DNAH8: variants seen among roughly 807,000 people sequenced by gnomAD.
The protein encoded by DNAH8 is dynein axonemal heavy chain 8.
In DNAH8, 382 loss-of-function variants were observed where a neutral mutation model predicts 562.1. The ratio of observed to expected loss-of-function variants is 0.68; its 90% CI spans 0.63 to 0.74. DNAH8 has a LOEUF of 0.74. Among genes scored for constraint, DNAH8 ranks in the 30% least tolerant of loss-of-function variants. The probability of loss-of-function intolerance (pLI) is 0.00; values close to 1 mark genes in which losing one functional copy is unlikely to be tolerated. For synonymous variants in DNAH8, 1,881 were observed against 1,919.4 expected (o/e 0.98, Z 0.52); for missense variants, 5,203 against 5,620.4 (o/e 0.93, Z 2.37).
intron 24 of DNAH8, among the ~76,000 whole-genome samples, chr6:38,808,445 T>C (rs1771493975): frequency 6.6e-6 from 1 of 152,210 alleles, no homozygotes; most frequent in Non-Finnish European, 1.5e-5. Flanking sequence ...TGAGATTAAA[T>C]ATACTTTCTT....
intron 87 of DNAH8, among the ~76,000 whole-genome samples, chr6:38,988,197 C>T (rs1283905068): frequency 1.3e-5 from 2 of 152,132 alleles, no homozygotes; most frequent in South Asian, 2.1e-4. Context: ...CTGCTAAAAG[C>T]GATTGCAGAA....
chr6:38,968,435 A>T (rs1020425648), intron 82 of DNAH8, among the ~76,000 whole-genome samples: 1 of 152,212 alleles, frequency 6.6e-6, no homozygotes, highest in Non-Finnish European at 1.5e-5. Context: ...TTACAACTCA[A>T]CAATAGTCAA....
At chr6:38,884,690 A>G (rs1440124267) in intron 56 of DNAH8, among the ~76,000 whole-genome samples, 1 of 152,188 alleles carries the variant, frequency 6.6e-6, no homozygotes, top group African/African-American at 2.4e-5. Context: ...CTGCAGGGTT[A>G]CATCCTTGCT....
chr6:38,937,914 G>A (rs1783097927), intron 77 of DNAH8, 60 bp from the exon 78 acceptor site: 7 of 1,520,516 alleles, frequency 4.6e-6, no homozygotes, highest in African/African-American at 2.8e-5. Context: ...CAGAAGAGAT[G>A]TATCTTGCTT....
At position 38,775,885 on chromosome 6, in the gene DNAH8, G is replaced by A. The variant is rs745671911; in HGVS notation, c.1896G>A (p.Leu632=). Residue 632 remains leucine, a synonymous_variant, in exon 13 of 93, where the codon CTG becomes CTA. Coordinates refer to ENST00000327475, the MANE Select transcript of DNAH8 (RefSeq NM_001206927.2). ...TTAAGAAAAAGCAATATGACATTCTGGATCCAAGAAGGACAGAATTTGACA... is the reference window on the plus strand; with the variant it reads ...TTAAGAAAAAGCAATATGACATTCTAGATCCAAGAAGGACAGAATTTGACA... The part of the protein sequence containing the change: ...QGVKKKQYDI[L]DPRRTEFDTD... The A allele has an allele frequency of 6.2e-7, 1 of 1,612,900 alleles. No homozygotes were observed. The highest frequency in any genetic ancestry group is 1.1e-5 in the South Asian group (1 of 91,010).
At chr6:38,863,321 T>A (rs562105413) in intron 44 of DNAH8, among the ~76,000 whole-genome samples, 1 of 100,450 alleles carries the variant, frequency 1.0e-5, no homozygotes. Flanking sequence ...TCCCAGCTAC[T>A]CAGGAGGCTG....
intron 1 of DNAH8, among the ~76,000 whole-genome samples, chr6:38,722,254 G>GA (rs1762811620): frequency 6.6e-6 from 1 of 152,150 alleles, no homozygotes; most frequent in East Asian, 1.9e-4. Flanking sequence ...ATGCTTTTAT[G>GA]GTAGATGAGA....
Position 38,951,533 on chromosome 6 carries a change from A to G in DNAH8, c.12451+13A>G, listed in dbSNP as rs10947765. The G allele has an allele frequency of 0.12, 191,803 of 1,602,042 alleles. 12,335 individuals carry two copies. Among genetic ancestry groups the G allele is most frequent in the Admixed American group, 0.25 (14,539 of 59,116 alleles). The stretch of plus-strand genomic sequence containing the variant: ...AAACTGAAACTGGGTAAGACTAGCA[A>G]TCTACAAAATGTAGCAACACTTCCA... On this transcript the variant is annotated intron_variant, in intron 82 of 92. Coordinates refer to ENST00000327475, the MANE Select transcript of DNAH8 (RefSeq NM_001206927.2).
intron 10 of DNAH8, among the ~76,000 whole-genome samples, chr6:38,757,325 A>G (rs1238687334): frequency 5.3e-5 from 8 of 152,108 alleles, no homozygotes; most frequent in Admixed American, 5.2e-4. Context: ...TCTTCTTTTG[A>G]GAAGTGTCTG....
At chr6:39,017,941 C>A (rs1301751238) in intron 91 of DNAH8, among the ~76,000 whole-genome samples, 1 of 152,254 alleles carries the variant, frequency 6.6e-6, no homozygotes. Context: ...ACTAATGGAC[C>A]TTTAAGATTG....
At chr6:38,929,764 T>G (rs956384522) in intron 75 of DNAH8, 98 bp downstream of exon 75, 39 of 1,125,202 alleles carry the variant, frequency 3.5e-5, no homozygotes, top group Non-Finnish European at 4.6e-5. Context: ...AGAACAATGG[T>G]GACATCTACT....
At chr6:38,824,554 T>G (rs1299963168) in intron 28 of DNAH8, among the ~76,000 whole-genome samples, 1 of 152,172 alleles carries the variant, frequency 6.6e-6, no homozygotes, top group African/African-American at 2.4e-5. Context: ...TGTGGAAAGA[T>G]TTTATTCTCA....
intron 52 of DNAH8, 87 bp from the exon 53 acceptor site, chr6:38,875,502 TCC>T: frequency 1.4e-5 from 11 of 800,376 alleles, no homozygotes; most frequent in Non-Finnish European, 2.1e-5. Flanking sequence ...TCTTCTCTCT[TCC>T]TTCCTCCTTT....
chr6:38,936,976 CA>C (rs1467804210), intron 77 of DNAH8, among the ~76,000 whole-genome samples: 3 of 151,990 alleles, frequency 2.0e-5, no homozygotes, highest in African/African-American at 7.3e-5. Flanking sequence ...AATTAAAAAC[CA>C]AATTCATTGT....
rs758871091 is a variant in DNAH8, at chr6:38,923,040, C to T, written c.10663-18C>T. ...ACTTAGAAAAGTTTTTTGAGACATTCTCCCATTATGGCTGCAGGATTTGCT... is the reference window on the plus strand; with the variant it reads ...ACTTAGAAAAGTTTTTTGAGACATTTTCCCATTATGGCTGCAGGATTTGCT... On this transcript the variant is annotated intron_variant, in intron 71 of 92. Coordinates refer to ENST00000327475, the MANE Select transcript of DNAH8 (RefSeq NM_001206927.2). The T allele has an allele frequency of 1.2e-5, 20 of 1,600,394 alleles. No individual in the cohort carries two copies. Among genetic ancestry groups the T allele is most frequent in the South Asian group, 3.4e-5 (3 of 88,272 alleles).
At chr6:38,959,778 A>G (rs763156776) in intron 82 of DNAH8, among the ~76,000 whole-genome samples, 4 of 152,128 alleles carry the variant, frequency 2.6e-5, no homozygotes, top group Non-Finnish European at 2.9e-5. Flanking sequence ...TAAAATGTAT[A>G]TGAAACCACA....
intron 25 of DNAH8, among the ~76,000 whole-genome samples, chr6:38,814,895 G>A (rs1772106387): frequency 6.6e-6 from 1 of 152,102 alleles, no homozygotes; most frequent in Non-Finnish European, 1.5e-5. Flanking sequence ...GCTGCTGATG[G>A]GCATCTGGAA....
intron 30 of DNAH8, among the ~76,000 whole-genome samples, chr6:38,829,081 A>G (rs1773612659): frequency 6.6e-6 from 1 of 152,196 alleles, no homozygotes; most frequent in Non-Finnish European, 1.5e-5. Flanking sequence ...CCTAATGCCT[A>G]ATGAGATAGA....
intron 77 of DNAH8, among the ~76,000 whole-genome samples, chr6:38,936,589 C>T (rs1195017344): frequency 6.6e-6 from 1 of 152,110 alleles, no homozygotes; most frequent in Non-Finnish European, 1.5e-5. Flanking sequence ...TTATGGTGAG[C>T]TTAGTGAAAA....
Sources: gnomAD v4.1 joint callset for allele counts (sites outside exome capture counted in the v4.1 genomes callset) on GRCh38, gnomAD v4.1.1 for gene constraint, MANE v1.5 for transcripts, NCBI Gene and HGNC (gene_info 2026-07-23, HGNC 2026-07-21) for gene names.